IQCM: variants seen among roughly 807,000 people sequenced by gnomAD.
The protein encoded by IQCM is IQ domain-containing protein M.
Under a neutral mutation model 57.6 loss-of-function variants are expected in IQCM, and 45 were observed. The observed-to-expected ratio is 0.78, with a 90% CI of 0.62 to 1.00. The LOEUF is 1.00. IQCM is among the 50% of genes least tolerant of loss of function. The probability of loss-of-function intolerance (pLI) is 0.00; values close to 1 mark genes in which losing one functional copy is unlikely to be tolerated. For missense variants in IQCM, 468 were observed against 511.6 expected (o/e 0.91, Z 0.82); for synonymous variants, 148 against 158.9 (o/e 0.93, Z 0.51).
chr4:149,677,654 G>A lies in IQCM; in HGVS notation c.565+4464C>T, dbSNP rs1405617256. Among the ~76,000 whole-genome samples, 3 of 151,810 alleles carry A rather than the reference G, an allele frequency of 2.0e-5. No individual in the cohort carries two copies. The South Asian group carries it at 6.2e-4, about 31-fold the overall frequency. On this transcript the variant is annotated intron_variant, in intron 7 of 13. Coordinates refer to ENST00000636793, the MANE Select transcript of IQCM (RefSeq NM_001363507.2). ...TCCACAAGTAACAACCACAAACAGG[G>A]AACCATGATTTCCCCAAGCATACAA...
intron 10 of IQCM, among the ~76,000 whole-genome samples, chr4:149,561,995 A>G (rs959363794): frequency 9.9e-5 from 15 of 152,174 alleles, no homozygotes; most frequent in African/African-American, 3.6e-4. Flanking sequence ...CAGCATGAAA[A>G]TATAAGATGA....
At chr4:149,562,717 T>G (rs535512589) in intron 10 of IQCM, among the ~76,000 whole-genome samples, 1 of 152,308 alleles carries the variant, frequency 6.6e-6, no homozygotes, top group Non-Finnish European at 1.5e-5. Context: ...TTGCCAGAGT[T>G]TTACATGTAT....
chr4:149,573,182 GAAT>G (rs1481707027), intron 9 of IQCM, among the ~76,000 whole-genome samples: 9 of 151,232 alleles, frequency 6.0e-5, no homozygotes, highest in African/African-American at 2.2e-4. Context: ...GATATTAAAA[GAAT>G]AAGGTTATTA....
At position 149,388,546 on chromosome 4, in the gene IQCM, AATAT is replaced by A. The variant is rs913503518; in HGVS notation, c.1391-36484_1391-36481del. 5.4e-4 allele frequency among the ~76,000 whole-genome samples: 72 copies of A among 133,448 alleles called. 1 individual carries two copies. In the South Asian group the frequency reaches 0.016, roughly 30 times the overall value. The allele number at this position is 133,448 out of a possible 152,430, so 87.5% of individuals were successfully genotyped here. A position where few individuals can be genotyped will look rare whatever the true frequency, so the allele number is the denominator to read the frequency against. ...ATTATATATATTATATATTATATAT[AATAT>A]ATATAATATATTTATATACATAAAT... On this transcript the variant is annotated intron_variant, in intron 13 of 13. Transcript: ENST00000636793.
intron 12 of IQCM, among the ~76,000 whole-genome samples, chr4:149,469,672 C>T (rs535883061): frequency 2.8e-4 from 43 of 152,218 alleles, no homozygotes; most frequent in African/African-American, 1.0e-3. Flanking sequence ...ACATAATTGT[C>T]AGATTCACCA....
In IQCM at chr4:149,677,715, A is replaced by C. The variant is rs552082922; in HGVS notation, c.565+4403T>G. 1.2e-4 allele frequency among the ~76,000 whole-genome samples: 18 copies of C among 152,074 alleles called. No homozygotes were observed. The South Asian group carries it at 3.5e-3, about 30-fold the overall frequency. On this transcript the variant is annotated intron_variant, in intron 7 of 13. Coordinates refer to ENST00000636793, the MANE Select transcript of IQCM (RefSeq NM_001363507.2). ...TAGCAACTGACCCTAATGAAACAGC[A>C]ATTGGTGAGCTCTTCGACCAAGAAC...
intron 13 of IQCM, among the ~76,000 whole-genome samples, chr4:149,368,755 T>TGTATATATATATACACATATATATACAC (rs1730021231): frequency 1.0e-5 from 1 of 99,308 alleles, no homozygotes; most frequent in Non-Finnish European, 2.2e-5. Context: ...TATATATACA[T>TGTATATATATATACACATATATATACAC]GTATATATAT....
At chr4:149,810,846 T>C (rs1383934806) in intron 2 of IQCM, among the ~76,000 whole-genome samples, 2 of 152,192 alleles carry the variant, frequency 1.3e-5, no homozygotes, top group African/African-American at 2.4e-5. Context: ...ACCCTAGCTA[T>C]TATATTTGAA....
At chr4:149,488,530 A>G in intron 12 of IQCM, among the ~76,000 whole-genome samples, 1 of 152,134 alleles carries the variant, frequency 6.6e-6, no homozygotes, top group East Asian at 1.9e-4. Context: ...TGTTAATAGT[A>G]TTTTTCCAGA....
chr4:149,599,499 C>A (rs1208514759), intron 8 of IQCM, among the ~76,000 whole-genome samples: 1 of 152,036 alleles, frequency 6.6e-6, no homozygotes, highest in Non-Finnish European at 1.5e-5. Flanking sequence ...AAACAATGTT[C>A]TACCCCTTAA....
rs114597287 is a variant in IQCM, at chr4:149,513,995, A to T, written c.1228+34460T>A. ...AAATGAACTGAATAGACCCCTTATC[A>T]TTTCATTTTCTATGTTATGTTTGTT... On this transcript the variant is annotated intron_variant, in intron 12 of 13. Transcript: ENST00000636793. Among the ~76,000 whole-genome samples the T allele has an allele frequency of 7.1e-3, 1,078 of 152,252 alleles. 7 individuals are homozygous for T. The highest frequency in any genetic ancestry group is 0.012 in the Non-Finnish European group (841 of 68,004).
intron 5 of IQCM, among the ~76,000 whole-genome samples, chr4:149,721,751 C>T (rs1765467449): frequency 6.6e-6 from 1 of 152,118 alleles, no homozygotes; most frequent in Admixed American, 6.6e-5. Context: ...CTATGATAAA[C>T]ACGTGCATGT....
At chr4:149,767,218 G>A (rs1360730092) in intron 2 of IQCM, among the ~76,000 whole-genome samples, 5 of 151,656 alleles carry the variant, frequency 3.3e-5, no homozygotes, top group Admixed American at 3.3e-4. Context: ...TCACTAAAAT[G>A]GCCATTTATT....
At chr4:149,713,530 T>C (rs1764738000) in intron 5 of IQCM, among the ~76,000 whole-genome samples, 1 of 152,190 alleles carries the variant, frequency 6.6e-6, no homozygotes, top group South Asian at 2.1e-4. Context: ...CATCCTCCAC[T>C]TCTCAGTCCA....
chr4:149,477,136 T>A (rs1740287686), intron 12 of IQCM, among the ~76,000 whole-genome samples: 1 of 152,158 alleles, frequency 6.6e-6, no homozygotes, highest in Non-Finnish European at 1.5e-5. Context: ...TCAAAAGACA[T>A]CAGTTTTTGT....
At chr4:149,388,867 T>C (rs1267880128) in intron 13 of IQCM, among the ~76,000 whole-genome samples, 3 of 150,646 alleles carry the variant, frequency 2.0e-5, no homozygotes, top group Non-Finnish European at 4.4e-5. Context: ...AATGTTCTTA[T>C]ATATTGAACA....
chr4:149,402,143 T>A (rs1348608055), intron 13 of IQCM, among the ~76,000 whole-genome samples: 1 of 151,712 alleles, frequency 6.6e-6, no homozygotes, highest in Non-Finnish European at 1.5e-5. Context: ...CTTGGTGAAT[T>A]CCATTAAGGC....
rs574604590 is a variant in IQCM at position 149,728,817 on chromosome 4, T to G, written c.385+4427A>C. Among the ~76,000 whole-genome samples the G allele has an allele frequency of 2.2e-4, 33 of 152,258 alleles. No individual in the cohort carries two copies. In the East Asian group the frequency reaches 5.4e-3, roughly 25 times the overall value. The stretch of plus-strand genomic sequence containing the variant: ...TTCTTGTTCCTTTACAGAACACACC[T>G]TTCCTCTCCCCAAAGATGACAACCC... On this transcript the variant is annotated intron_variant, in intron 5 of 13. Transcript: ENST00000636793.
intron 13 of IQCM, among the ~76,000 whole-genome samples, chr4:149,432,186 G>C (rs1734934674): frequency 6.6e-6 from 1 of 151,854 alleles, no homozygotes; most frequent in African/African-American, 2.4e-5. Context: ...TAATGTGTGA[G>C]TGTTTGAGGT....
Sources: allele counts gnomAD v4.1 joint callset (sites outside exome capture counted in the v4.1 genomes callset), GRCh38; gene constraint gnomAD v4.1.1; transcripts MANE v1.5; gene names NCBI Gene and HGNC (gene_info 2026-07-23, HGNC 2026-07-21).